Variants in TBRG4 observed in about 807,000 individuals in gnomAD.
The protein encoded by TBRG4 is FAST kinase domain-containing protein 4.
In TBRG4, 43 loss-of-function variants were observed where a neutral mutation model predicts 65.6. That is an observed-to-expected ratio of 0.66 (90% CI 0.51 to 0.85). The LOEUF (loss-of-function observed/expected upper bound fraction) is 0.85, where lower values mean the gene tolerates loss of function less well. TBRG4 is among the 40% of genes least tolerant of loss of function. The pLI is 0.00. For synonymous variants in TBRG4, 366 were observed against 341.4 expected, an observed-to-expected ratio of 1.07 and a Z score of -0.79; for missense variants, 709 against 787.9, an observed-to-expected ratio of 0.90 and a Z score of 1.20.
Position 45,102,487 on chromosome 7 carries a change from T to C in TBRG4, c.1181A>G (p.His394Arg), listed in dbSNP as rs774674402. 3.1e-6 allele frequency: 5 copies of C among 1,609,588 alleles called. No homozygotes were observed. Among genetic ancestry groups the C allele is most frequent in the African/African-American group, 1.3e-5 (1 of 74,904 alleles). ...DQEDQFFSLV[H>R]EKLGSELPGL... The stretch of plus-strand genomic sequence containing the variant: ...TGGCAGCTCTGACCCCAGCTTCTCA[T>C]GTACCTGGGCAAGGATAGAGTGTGG... Residue 394 changes from histidine (H) to arginine (R), a missense_variant, in exon 7 of 11, where the codon CAT (histidine) becomes CGT (arginine). By Grantham distance (29) the His-to-Arg change is conservative (BLOSUM62 0). Transcript: ENST00000258770.
At chr7:45,102,972 G>A (rs1327163808) in intron 6 of TBRG4, 2 of 349,552 alleles carry the variant, frequency 5.7e-6, no homozygotes, top group Non-Finnish European at 1.1e-5. Flanking sequence ...CACCTGGCCT[G>A]CTGGCCTCTG....
Position 45,104,063 on chromosome 7 carries a change from C to T in TBRG4, c.1065+36G>A, listed in dbSNP as rs936367070. 3.9e-6 allele frequency: 6 copies of T among 1,541,806 alleles called. No homozygotes were observed. The African/African-American group carries it at 5.5e-5, about 14-fold the overall frequency. On this transcript the variant is annotated intron_variant, in intron 5 of 10. Transcript: ENST00000258770. ...TGGTTCCCAGCAGATGGCCAGGAAG[C>T]CAGCTTCTCTGAGTTGGGGCCAGGC... is the stretch of plus-strand genomic sequence containing the variant.
At chr7:45,107,620 G>GA (rs1453665617) in intron 2 of TBRG4, 1 of 154,118 alleles carries the variant, frequency 6.5e-6, no homozygotes, top group Non-Finnish European at 1.5e-5. Context: ...GGAGGAGGGA[G>GA]AAAGTACTGG....
Position 45,103,452 on chromosome 7 carries a change from GT to G in TBRG4, c.1066-10del. ...GCTCTGTTCAGGACGTGCTGGGTGG[GT>G]CAGAAATAGCAGAGGGACAGAATAA... On this transcript the variant is annotated splice_polypyrimidine_tract_variant and intron_variant, in intron 5 of 10. Coordinates refer to ENST00000258770, the MANE Select transcript of TBRG4 (RefSeq NM_004749.4). The G allele has an allele frequency of 6.2e-7, 1 of 1,604,578 alleles. No individual in the cohort carries two copies.
At chr7:45,103,831 A>C in intron 5 of TBRG4, 1 of 555,674 alleles carries the variant, frequency 1.8e-6, no homozygotes, top group South Asian at 2.3e-5. Flanking sequence ...TCTCAGTCTC[A>C]TCAGCCATGC....
At chr7:45,107,271 G>A (rs183507284) in intron 2 of TBRG4, 2 of 152,288 alleles carry the variant, frequency 1.3e-5, no homozygotes, top group African/African-American at 4.8e-5. Flanking sequence ...GGTAAACGAA[G>A]GTGAACTTAT....
In TBRG4 at chr7:45,104,294, G is replaced by A. The variant is rs766329071; in HGVS notation, c.908-38C>T. 1.9e-6 allele frequency: 3 copies of A among 1,612,286 alleles called. No homozygotes were observed. The South Asian group carries it at 3.3e-5, about 18-fold the overall frequency. On this transcript the variant is annotated intron_variant, in intron 4 of 10. Coordinates refer to ENST00000258770, the MANE Select transcript of TBRG4 (RefSeq NM_004749.4). ...GCAGATCACAGGGTTTAGCTGGAGAGAGTCAGCAATCACCCAGCAGCTCCA... is the reference window on the plus strand; with the variant it reads ...GCAGATCACAGGGTTTAGCTGGAGAAAGTCAGCAATCACCCAGCAGCTCCA...
Position 45,111,665 on chromosome 7 carries a change from T to C in TBRG4, c.-73A>G. On this transcript the variant is annotated 5_prime_UTR_variant, in exon 1 of 11. Coordinates refer to ENST00000258770, the MANE Select transcript of TBRG4 (RefSeq NM_004749.4). The stretch of plus-strand genomic sequence containing the variant: ...TACGCAGCGAGCACCACCGCTGACC[T>C]CCATCCGCCGCCCTAACTGTCCCCG... 1.6e-6 allele frequency: 2 copies of C among 1,289,288 alleles called. No individual in the cohort carries two copies. Among genetic ancestry groups the C allele is most frequent in the Non-Finnish European group, 2.0e-6 (2 of 988,804 alleles). The allele number at this position is 1,289,288 out of a possible 1,614,324, so 79.9% of individuals were successfully genotyped here.
intron 10 of TBRG4, among the ~76,000 whole-genome samples, chr7:45,100,811 C>T (rs1784740869): frequency 6.6e-6 from 1 of 152,246 alleles, no homozygotes; most frequent in Non-Finnish European, 1.5e-5. Context: ...TGATCTTAAC[C>T]AAGGTCTCCC....
At chr7:45,105,050 A>G in intron 3 of TBRG4, 1 of 704,668 alleles carries the variant, frequency 1.4e-6, no homozygotes, top group Non-Finnish European at 2.6e-6. Flanking sequence ...GCAGGGCTAC[A>G]GCCGATAGGG....
Position 45,101,917 on chromosome 7 carries a change from A to G in TBRG4, c.1475T>C (p.Leu492Pro). ...PSALDRKVTP[L>P]QKELQETLKG... is the part of the protein sequence containing the mutation. ...CAGCGTCTCCTGCAGCTCCTTTTGC[A>G]GGGGGGTCACCTTCCTGTCAAGGGC... Residue 492 changes from leucine to proline, a missense_variant, in exon 8 of 11, where the codon CTG becomes CCG. Transcript: ENST00000258770. 1.2e-6 allele frequency: 2 copies of G among 1,610,970 alleles called. No homozygotes were observed. The highest frequency in any genetic ancestry group is 1.7e-6 in the Non-Finnish European group (2 of 1,179,008).
chr7:45,100,485 C>A lies in TBRG4; in HGVS notation c.1795-59G>T. On this transcript the variant is annotated intron_variant, in intron 10 of 10. Coordinates refer to ENST00000258770, the MANE Select transcript of TBRG4 (RefSeq NM_004749.4). Reference sequence around the variant, plus strand: ...CAAGGAGATCCCTTCCAGCCAGTGGCTCTGCCTGCTTGCCTGCTGTCCTCA... The same window carrying A: ...CAAGGAGATCCCTTCCAGCCAGTGGATCTGCCTGCTTGCCTGCTGTCCTCA... 2.8e-6 allele frequency: 4 copies of A among 1,405,522 alleles called. No individual in the cohort carries two copies. In the South Asian group the frequency reaches 4.7e-5, roughly 16 times the overall value. 87.1% of individuals were successfully genotyped at this position (1,405,522 alleles called of 1,614,324 possible). A position where few individuals can be genotyped will look rare whatever the true frequency, so the allele number is the denominator to read the frequency against.
rs1192026921 is a variant in TBRG4 at position 45,104,694 on chromosome 7, C to T, written c.751G>A (p.Glu251Lys). 1.2e-6 allele frequency: 2 copies of T among 1,613,610 alleles called. No homozygotes were observed. The highest frequency in any genetic ancestry group is 1.7e-6 in the Non-Finnish European group (2 of 1,179,958). Reference sequence around the variant, plus strand: ...CGCAGCTCATTGGGGCCAAAGTGCTCCACCAACTCCAGGCACTGTCAACCA... The same window carrying T: ...CGCAGCTCATTGGGGCCAAAGTGCTTCACCAACTCCAGGCACTGTCAACCA... ...RLEDKCLELV[E>K]HFGPNELRKV... Residue 251 changes from glutamate (E) to lysine (K), a missense_variant, in exon 4 of 11, where the codon GAG becomes AAG. Transcript: ENST00000258770.
chr7:45,102,286 A>G, intron 7 of TBRG4, 61 bp downstream of exon 7: 3 of 1,607,454 alleles, frequency 1.9e-6, no homozygotes, highest in Non-Finnish European at 2.6e-6. Flanking sequence ...CTCACCTGGC[A>G]CTAGGCAGAC....
intron 6 of TBRG4, chr7:45,103,115 C>T (rs1048997329): frequency 5.1e-6 from 3 of 585,146 alleles, no homozygotes; most frequent in Admixed American, 2.9e-5. Flanking sequence ...GACCCCCCAG[C>T]GCTGCCTGGC....
chr7:45,109,641 A>AT (rs951875670), intron 1 of TBRG4, among the ~76,000 whole-genome samples: 12 of 151,836 alleles, frequency 7.9e-5, no homozygotes, highest in Middle Eastern at 3.4e-3. Context: ...GACAGCATTA[A>AT]TTTTTTTTTA....
Position 45,101,618 on chromosome 7 carries a change from G to A in TBRG4, c.1568-4C>T, listed in dbSNP as rs1457030820. ...CTGTCCAGCAGCACCTCAGCATCTG[G>A]GGAAGGGGTGTGGGATGAGAACATG... On this transcript the variant is annotated splice_region_variant and splice_polypyrimidine_tract_variant and intron_variant, in intron 8 of 10. Coordinates refer to ENST00000258770, the MANE Select transcript of TBRG4 (RefSeq NM_004749.4). The A allele has an allele frequency of 6.2e-7, 1 of 1,612,882 alleles. No individual in the cohort carries two copies. The highest frequency in any genetic ancestry group is 1.7e-5 in the Admixed American group (1 of 59,984).
Position 45,101,347 on chromosome 7 carries a change from G to A in TBRG4, c.1705C>T (p.Pro569Ser), listed in dbSNP as rs545593786. The change falls in exon 10 of 11, where the codon CCC becomes TCC. Residue 569 changes from proline (P) to serine (S), a missense_variant. Physicochemically the swap from Pro to Ser is moderately conservative, Grantham distance 74. Coordinates refer to ENST00000258770, the MANE Select transcript of TBRG4 (RefSeq NM_004749.4). ...KRLAFLRWEF[P>S]NFNSRSKDLL... ...TCCTTGCTTCGGCTGTTGAAGTTGG[G>A]GAACTCCCACCGCAAGAACGCTAGC... 2.2e-5 allele frequency: 36 copies of A among 1,613,866 alleles called. No homozygotes were observed. The South Asian group carries it at 3.7e-4, about 17-fold the overall frequency.
At chr7:45,108,120 G>C (rs1256577777) in intron 2 of TBRG4, among the ~76,000 whole-genome samples, 1 of 152,216 alleles carries the variant, frequency 6.6e-6, no homozygotes, top group Non-Finnish European at 1.5e-5. Context: ...CTTGGATAGT[G>C]CCTTTCTCTT....
Sources: gnomAD v4.1 joint callset for allele counts (sites outside exome capture counted in the v4.1 genomes callset) on GRCh38, gnomAD v4.1.1 for gene constraint, MANE v1.5 for transcripts, NCBI Gene and HGNC (gene_info 2026-07-23, HGNC 2026-07-21) for gene names.